The following CTNNA3 variants were observed in gnomAD, a reference collection of about 807,000 sequenced individuals.
The protein encoded by CTNNA3 is catenin alpha-3.
In CTNNA3, 76 loss-of-function variants were observed where a neutral mutation model predicts 95.7. The ratio of observed to expected loss-of-function variants is 0.79; its 90% CI spans 0.66 to 0.96. The LOEUF (loss-of-function observed/expected upper bound fraction) is 0.96. Among genes scored for constraint, CTNNA3 ranks in the 40% least tolerant of loss-of-function variants. The probability of loss-of-function intolerance (pLI) is 0.00; values close to 1 mark genes in which losing one functional copy is unlikely to be tolerated. For missense variants in CTNNA3, 1,191 were observed against 1,089.8 expected, an observed-to-expected ratio of 1.09 and a Z score of -1.31; for synonymous variants, 431 against 374.4, an observed-to-expected ratio of 1.15 and a Z score of -1.74.
intron 7 of CTNNA3, among the ~76,000 whole-genome samples, chr10:66,907,898 CA>C (rs1030476469): frequency 6.6e-6 from 1 of 151,948 alleles, no homozygotes; most frequent in African/African-American, 2.4e-5. Context: ...AGGAACTGAC[CA>C]AAAAAATTAA....
chr10:66,864,890 T>C (rs1367096655), intron 7 of CTNNA3, among the ~76,000 whole-genome samples: 1 of 152,042 alleles, frequency 6.6e-6, no homozygotes, highest in Admixed American at 6.6e-5. Context: ...ATAAAATGTC[T>C]GTTATAAAAA....
chr10:67,511,363 AC>A (rs1277082756), intron 5 of CTNNA3, among the ~76,000 whole-genome samples: 4 of 152,190 alleles, frequency 2.6e-5, no homozygotes, highest in African/African-American at 9.7e-5. Context: ...ATTTTGAGAT[AC>A]ATTCCATCAA....
chr10:67,073,515 C>G (rs942449689), intron 7 of CTNNA3, among the ~76,000 whole-genome samples: 1 of 151,808 alleles, frequency 6.6e-6, no homozygotes, highest in African/African-American at 2.4e-5. Flanking sequence ...GTCAACATCC[C>G]TCTTAAACAA....
At chr10:66,129,870 C>T (rs1005333706) in intron 13 of CTNNA3, among the ~76,000 whole-genome samples, 1 of 152,064 alleles carries the variant, frequency 6.6e-6, no homozygotes, top group Non-Finnish European at 1.5e-5. Context: ...CCTATGTGTG[C>T]CCTTGGGTTG....
intron 15 of CTNNA3, among the ~76,000 whole-genome samples, chr10:66,067,902 C>A (rs373674938): frequency 1.3e-5 from 2 of 151,786 alleles, no homozygotes; most frequent in Non-Finnish European, 2.9e-5. Flanking sequence ...GATGACAGAG[C>A]GAGACTCCAT....
chr10:67,468,167 C>G (rs891457142), intron 5 of CTNNA3, among the ~76,000 whole-genome samples: 2 of 151,754 alleles, frequency 1.3e-5, no homozygotes, highest in African/African-American at 4.8e-5. Context: ...TTTTCTTGAT[C>G]CTCTCCCTCC....
At chr10:66,819,921 G>C (rs1842242148) in intron 7 of CTNNA3, among the ~76,000 whole-genome samples, 1 of 152,072 alleles carries the variant, frequency 6.6e-6, no homozygotes, top group South Asian at 2.1e-4. Context: ...AAAACAGTCT[G>C]GCAATTCCTC....
intron 9 of CTNNA3, among the ~76,000 whole-genome samples, chr10:66,635,920 T>A (rs1029165956): frequency 6.6e-6 from 1 of 151,954 alleles, no homozygotes; most frequent in Non-Finnish European, 1.5e-5. Flanking sequence ...ACCATAATTA[T>A]AATCCCAGAG....
At chr10:66,072,784 T>G (rs1366311271) in intron 14 of CTNNA3, among the ~76,000 whole-genome samples, 18 of 152,148 alleles carry the variant, frequency 1.2e-4, no homozygotes, top group Non-Finnish European at 2.9e-5. Context: ...AAAGAATCTG[T>G]GCTGACCCTT....
At chr10:67,532,823 T>G (rs1316307417) in intron 4 of CTNNA3, among the ~76,000 whole-genome samples, 1 of 152,128 alleles carries the variant, frequency 6.6e-6, no homozygotes, top group African/African-American at 2.4e-5. Context: ...TCGGAATAAG[T>G]TTTATTCTCC....
intron 5 of CTNNA3, among the ~76,000 whole-genome samples, chr10:67,399,329 T>C (rs1301461733): frequency 6.6e-6 from 1 of 152,210 alleles, no homozygotes; most frequent in Non-Finnish European, 1.5e-5. Flanking sequence ...AAAACCAATA[T>C]TATTAATTTT....
chr10:67,683,221 C>T (rs1365124458), intron 1 of CTNNA3, among the ~76,000 whole-genome samples: 1 of 152,208 alleles, frequency 6.6e-6, no homozygotes. Flanking sequence ...CCATGAGCTT[C>T]AGCCCTGGAC....
In CTNNA3 at chr10:65,983,684, G is replaced by C. The variant is rs376668214; in HGVS notation, c.2265+5008C>G. Among the ~76,000 whole-genome samples, 7 of 151,346 alleles carry C rather than the reference G, an allele frequency of 4.6e-5. No individual in the cohort carries two copies. In the East Asian group the frequency reaches 1.2e-3, roughly 25 times the overall value. On this transcript the variant is annotated intron_variant, in intron 16 of 17. Coordinates refer to ENST00000433211, the MANE Select transcript of CTNNA3 (RefSeq NM_013266.4). ...ACAAGACTTAAATATATCTTTGATG[G>C]CATACTTAAGCCTTTTTTGAGACCG...
At chr10:67,269,990 A>G (rs1838900596) in intron 5 of CTNNA3, among the ~76,000 whole-genome samples, 1 of 152,124 alleles carries the variant, frequency 6.6e-6, no homozygotes, top group African/African-American at 2.4e-5. Context: ...ATGCTAATGC[A>G]TTTGTATATG....
chr10:66,828,932 G>A (rs1020488998), intron 7 of CTNNA3, among the ~76,000 whole-genome samples: 2 of 152,182 alleles, frequency 1.3e-5, no homozygotes, highest in Admixed American at 6.5e-5. Context: ...TGCCATTCAC[G>A]TAGAGTAAAT....
intron 3 of CTNNA3, among the ~76,000 whole-genome samples, chr10:67,579,067 GTTATAC>G (rs1045348742): frequency 7.2e-6 from 1 of 138,386 alleles, no homozygotes; most frequent in African/African-American, 2.6e-5. Flanking sequence ...ATATACAGTT[GTTATAC>G]TTTAAGTTCT....
At position 66,090,925 on chromosome 10, in the gene CTNNA3, C is replaced by T. The variant is rs966332542; in HGVS notation, c.1977+12232G>A. ...AAATATGAATATAAAAATACTATTT[C>T]GGTTATGGTACTTTCACCGTACAAA... On this transcript the variant is annotated intron_variant, in intron 14 of 17. Coordinates refer to ENST00000433211, the MANE Select transcript of CTNNA3 (RefSeq NM_013266.4). 3.3e-5 allele frequency among the ~76,000 whole-genome samples: 5 copies of T among 151,936 alleles called. No homozygotes were observed. The East Asian group carries it at 7.7e-4, about 24-fold the overall frequency.
intron 9 of CTNNA3, among the ~76,000 whole-genome samples, chr10:66,722,363 G>C (rs1167869429): frequency 1.5e-5 from 2 of 137,690 alleles, no homozygotes; most frequent in Non-Finnish European, 3.2e-5. Flanking sequence ...GGACGACAGA[G>C]CGAGACCCTG....
In CTNNA3 at chr10:66,247,351, G is replaced by T. The variant is rs577736393; in HGVS notation, c.1884+33119C>A. On this transcript the variant is annotated intron_variant, in intron 13 of 17. Coordinates refer to ENST00000433211, the MANE Select transcript of CTNNA3 (RefSeq NM_013266.4). The stretch of plus-strand genomic sequence containing the variant: ...GCTAGCATTGCTGGACCTGCCTGGG[G>T]TTTAGGGGAATTTGCTATCCTGAAG... Among the ~76,000 whole-genome samples the T allele has an allele frequency of 5.9e-5, 9 of 152,244 alleles. No individual in the cohort carries two copies. The South Asian group carries it at 1.9e-3, about 32-fold the overall frequency.
Sources: allele counts gnomAD v4.1 joint callset (sites outside exome capture counted in the v4.1 genomes callset), GRCh38; gene constraint gnomAD v4.1.1; transcripts MANE v1.5; gene names NCBI Gene and HGNC (gene_info 2026-07-23, HGNC 2026-07-21).